ASIC5: variants seen among roughly 807,000 people sequenced by gnomAD.
ASIC5 encodes bile acid-sensitive ion channel.
A neutral mutation model predicts 51.2 loss-of-function variants in ASIC5; 52 were observed. The observed-to-expected ratio is 1.02, with a 90% CI of 0.81 to 1.28. ASIC5 has a LOEUF of 1.28. ASIC5 is among the 50% of genes most tolerant of loss of function. ASIC5 has a pLI of 0.00. For synonymous variants in ASIC5, 231 were observed against 200.7 expected, an observed-to-expected ratio of 1.15 and a Z score of -1.28; for missense variants, 635 against 595.0, an observed-to-expected ratio of 1.07 and a Z score of -0.70.
intron 1 of ASIC5, 81 bp downstream of exon 1, chr4:155,866,106 G>GA (rs922203445): frequency 3.4e-5 from 29 of 853,240 alleles, no homozygotes; most frequent in Admixed American, 7.7e-5. Flanking sequence ...CCCAAATGAA[G>GA]AAAAAAAATC....
At chr4:155,832,957 C>A (rs895256131) in intron 8 of ASIC5, among the ~76,000 whole-genome samples, 2 of 152,026 alleles carry the variant, frequency 1.3e-5, no homozygotes, top group African/African-American at 2.4e-5. Context: ...TGAGAACAAC[C>A]CTCCCTGACT....
intron 7 of ASIC5, among the ~76,000 whole-genome samples, chr4:155,837,945 C>T (rs1741025001): frequency 1.3e-5 from 2 of 152,124 alleles, no homozygotes; most frequent in Non-Finnish European, 2.9e-5. Flanking sequence ...CAGCCTCCAA[C>T]AAGGATAAGA....
intron 5 of ASIC5, among the ~76,000 whole-genome samples, chr4:155,842,800 G>C (rs1741150732): frequency 1.3e-5 from 2 of 151,986 alleles, no homozygotes; most frequent in South Asian, 4.2e-4. Flanking sequence ...ACATGACCAG[G>C]AAAAATGAGG....
rs148797219 is a variant in ASIC5 at position 155,845,095 on chromosome 4, G to GA, written c.712-1266dup. Among the ~76,000 whole-genome samples the GA allele has an allele frequency of 1.8e-3, 264 of 148,904 alleles. 1 individual carries two copies. Among genetic ancestry groups the GA allele is most frequent in the Middle Eastern group, 0.01 (3 of 288 alleles). ...GTGGAAAGAAAACAGCAATCAAGAGGAAAAAAAAAGGAAAGATTTTTTATT... is the reference window on the plus strand; with the variant it reads ...GTGGAAAGAAAACAGCAATCAAGAGGAAAAAAAAAAGGAAAGATTTTTTATT... On this transcript the variant is annotated intron_variant, in intron 4 of 9. Transcript: ENST00000537611.
intron 8 of ASIC5, among the ~76,000 whole-genome samples, chr4:155,835,815 C>T (rs1019132172): frequency 3.3e-5 from 5 of 152,050 alleles, no homozygotes; most frequent in East Asian, 1.9e-4. Flanking sequence ...GTTACCTCAG[C>T]GTTTACATGG....
chr4:155,842,798 A>G (rs1053527764), intron 5 of ASIC5, among the ~76,000 whole-genome samples: 1 of 152,140 alleles, frequency 6.6e-6, no homozygotes, highest in African/African-American at 2.4e-5. Flanking sequence ...TCACATGACC[A>G]GGAAAAATGA....
At chr4:155,862,415 C>A (rs751087725) in intron 2 of ASIC5, among the ~76,000 whole-genome samples, 187 of 152,196 alleles carry the variant, frequency 1.2e-3, no homozygotes, top group Non-Finnish European at 2.0e-3. Context: ...GATATTATCT[C>A]ATTTTATAAA....
At chr4:155,866,140 T>C in intron 1 of ASIC5, 47 bp downstream of exon 1, 1 of 1,295,732 alleles carries the variant, frequency 7.7e-7, no homozygotes, top group South Asian at 1.4e-5. Context: ...TTCTGGCCTC[T>C]AGAAATGAAA....
chr4:155,835,271 CT>C (rs1740951405), intron 8 of ASIC5, among the ~76,000 whole-genome samples: 1 of 152,168 alleles, frequency 6.6e-6, no homozygotes, highest in Non-Finnish European at 1.5e-5. Flanking sequence ...AGCGCTCCCC[CT>C]GGCCTCTGCA....
At chr4:155,830,790 T>C (rs1365305471) in intron 9 of ASIC5, among the ~76,000 whole-genome samples, 2 of 152,204 alleles carry the variant, frequency 1.3e-5, no homozygotes, top group African/African-American at 4.8e-5. Flanking sequence ...ACCACTCTTT[T>C]ACTTTCTGTC....
chr4:155,845,838 T>C (rs115683584), intron 4 of ASIC5, among the ~76,000 whole-genome samples: 2,506 of 152,214 alleles, frequency 0.016, 58 homozygotes, highest in African/African-American at 0.056. Context: ...ACCTGAGTTG[T>C]TTCCTATAAT....
intron 4 of ASIC5, among the ~76,000 whole-genome samples, chr4:155,848,967 T>C (rs1741317927): frequency 6.6e-6 from 1 of 152,114 alleles, no homozygotes. Context: ...CCTGTCTGCC[T>C]GATTTCTCCA....
chr4:155,860,859 G>A (rs928910159), intron 2 of ASIC5, among the ~76,000 whole-genome samples: 1 of 151,686 alleles, frequency 6.6e-6, no homozygotes, highest in Admixed American at 6.6e-5. Context: ...AGTATTTTTA[G>A]ACTTCTTTTT....
At chr4:155,862,927 T>C (rs1183951721) in intron 2 of ASIC5, among the ~76,000 whole-genome samples, 4 of 152,208 alleles carry the variant, frequency 2.6e-5, no homozygotes, top group Admixed American at 2.6e-4. Flanking sequence ...ATTAATCTGT[T>C]CTGTGGGATT....
chr4:155,837,193 GATATTT>G, intron 7 of ASIC5, among the ~76,000 whole-genome samples: 1 of 148,632 alleles, frequency 6.7e-6, no homozygotes, highest in Admixed American at 6.8e-5. Context: ...TAAAATATCA[GATATTT>G]GGACAGAAGA....
Position 155,843,696 on chromosome 4 carries a change from G to A in ASIC5, c.846C>T (p.Thr282=). The change falls in exon 5 of 10, where the codon ACC becomes ACT. Residue 282 remains threonine, a synonymous_variant. Transcript: ENST00000537611. ...LSPVGMHARV[T]IRQVKTVHQE... ...GAGTATTTACCTTCACTTGGCGGAT[G>A]GTTACCCTTGCGTGCATTCCCACAG... The A allele has an allele frequency of 6.2e-7, 1 of 1,613,396 alleles. No individual in the cohort carries two copies. The highest frequency in any genetic ancestry group is 2.2e-5 in the East Asian group (1 of 44,846).
At chr4:155,858,372 T>C (rs1299756977) in intron 2 of ASIC5, among the ~76,000 whole-genome samples, 4 of 152,136 alleles carry the variant, frequency 2.6e-5, no homozygotes, top group African/African-American at 9.6e-5. Flanking sequence ...CAATTACAAG[T>C]AAAACTAGAC....
intron 4 of ASIC5, among the ~76,000 whole-genome samples, chr4:155,844,244 T>C (rs1281973804): frequency 6.6e-6 from 1 of 152,018 alleles, no homozygotes; most frequent in East Asian, 1.9e-4. Flanking sequence ...AACTCTTTCC[T>C]CCAGGGATCC....
rs193115862 is a variant in ASIC5 at position 155,848,531 on chromosome 4, A to T, written c.711+3660T>A. 5.6e-3 allele frequency among the ~76,000 whole-genome samples: 859 copies of T among 152,154 alleles called. 5 individuals are homozygous for T. The highest frequency in any genetic ancestry group is 0.019 in the African/African-American group (793 of 41,540). On this transcript the variant is annotated intron_variant, in intron 4 of 9. Coordinates refer to ENST00000537611, the MANE Select transcript of ASIC5 (RefSeq NM_017419.3). The stretch of plus-strand genomic sequence containing the variant: ...GTGTACATTATCAATAATAATAATA[A>T]TTGTTATGTTAAAATTATTGTGTAC...
Sources: allele counts gnomAD v4.1 joint callset (sites outside exome capture counted in the v4.1 genomes callset), GRCh38; gene constraint gnomAD v4.1.1; transcripts MANE v1.5; gene names NCBI Gene and HGNC (gene_info 2026-07-23, HGNC 2026-07-21).